NFIA: variants seen among roughly 807,000 people sequenced by gnomAD.
The protein encoded by NFIA is nuclear factor I A, also known as nuclear factor 1 A-type.
NFIA carries 8 observed loss-of-function variants against 62.8 expected under a neutral mutation model. The ratio of observed to expected loss-of-function variants is 0.13; its 90% confidence interval spans 0.07 to 0.23. The LOEUF is 0.23. Ranked by LOEUF, NFIA falls within the 10% of genes least tolerant of loss-of-function variation. The pLI, the probability that NFIA is intolerant of heterozygous loss-of-function variation, is 1.00. For synonymous variants in NFIA, 235 were observed against 238.1 expected (o/e 0.99, Z 0.12); for missense variants, 410 against 642.1 (o/e 0.64, Z 3.91).
intron 2 of NFIA, among the ~76,000 whole-genome samples, chr1:61,225,358 C>T (rs988828546): frequency 2.6e-5 from 4 of 151,802 alleles, no homozygotes; most frequent in Non-Finnish European, 4.4e-5. Context: ...TCAAGTGATT[C>T]TCCTGCCTCA....
chr1:61,393,781 G>T (rs904188866), intron 7 of NFIA, among the ~76,000 whole-genome samples: 1 of 152,150 alleles, frequency 6.6e-6, no homozygotes, highest in African/African-American at 2.4e-5. Flanking sequence ...GGAGATAACA[G>T]CAAAGCTGGC....
intron 3 of NFIA, among the ~76,000 whole-genome samples, chr1:61,299,510 A>G (rs1452855795): frequency 6.6e-6 from 1 of 152,210 alleles, no homozygotes; most frequent in Non-Finnish European, 1.5e-5. Flanking sequence ...TTAAAGGGAA[A>G]TCTTAATGGG....
At chr1:61,132,462 T>G (rs1647098237) in intron 2 of NFIA, among the ~76,000 whole-genome samples, 1 of 152,222 alleles carries the variant, frequency 6.6e-6, no homozygotes, top group Non-Finnish European at 1.5e-5. Flanking sequence ...GAAATGAGCA[T>G]TTTCTTAAAC....
At chr1:61,183,658 G>T (rs1321586491) in intron 2 of NFIA, among the ~76,000 whole-genome samples, 1 of 152,160 alleles carries the variant, frequency 6.6e-6, no homozygotes, top group African/African-American at 2.4e-5. Flanking sequence ...TTGGTTTTCT[G>T]TTGTGTCTGG....
At chr1:61,392,531 T>A (rs1450316355) in intron 7 of NFIA, among the ~76,000 whole-genome samples, 1 of 152,100 alleles carries the variant, frequency 6.6e-6, no homozygotes, top group Non-Finnish European at 1.5e-5. Context: ...GCCACCCTCA[T>A]AAAGAGCCAT....
chr1:61,094,874 A>G (rs1416987739), intron 2 of NFIA, among the ~76,000 whole-genome samples: 3 of 152,252 alleles, frequency 2.0e-5, no homozygotes, highest in East Asian at 3.8e-4. Context: ...CTAAATAAAC[A>G]TGGCTTATGA....
intron 2 of NFIA, among the ~76,000 whole-genome samples, chr1:61,144,782 A>G (rs908605458): frequency 2.0e-5 from 3 of 152,222 alleles, no homozygotes; most frequent in Admixed American, 1.3e-4. Flanking sequence ...TGCTCAGAGA[A>G]CAAGTCTTTG....
At chr1:61,107,469 T>TTCCTG (rs1259614786) in intron 2 of NFIA, among the ~76,000 whole-genome samples, 5 of 151,060 alleles carry the variant, frequency 3.3e-5, no homozygotes, top group African/African-American at 1.2e-4. Context: ...ATGAGCCACT[T>TTCCTG]TACTGTGGAA....
At chr1:61,151,221 G>GT (rs961987315) in intron 2 of NFIA, among the ~76,000 whole-genome samples, 2 of 151,844 alleles carry the variant, frequency 1.3e-5, no homozygotes, top group African/African-American at 4.8e-5. Flanking sequence ...TTGTTTGTTT[G>GT]TTTTTTTGAG....
intron 2 of NFIA, among the ~76,000 whole-genome samples, chr1:61,107,607 C>T (rs548518982): frequency 2.6e-5 from 4 of 151,518 alleles, no homozygotes; most frequent in South Asian, 4.2e-4. Context: ...AATATATTTT[C>T]GTAGTTTCTG....
intron 2 of NFIA, among the ~76,000 whole-genome samples, chr1:61,262,707 C>T (rs1656840829): frequency 1.3e-5 from 2 of 151,662 alleles, no homozygotes; most frequent in South Asian, 2.1e-4. Flanking sequence ...AAAATGAAAA[C>T]ACACTCAGTG....
At chr1:61,431,805 G>A (rs1306310261) in intron 10 of NFIA, among the ~76,000 whole-genome samples, 1 of 152,212 alleles carries the variant, frequency 6.6e-6, no homozygotes, top group Non-Finnish European at 1.5e-5. Flanking sequence ...ATCATGGAGA[G>A]CATTTTGAGC....
At chr1:61,081,943 C>G, upstream of NFIA, 2 of 1,550,100 alleles carry the variant, frequency 1.3e-6, no homozygotes, top group African/African-American at 1.4e-5. Context: ...AATTTGCATA[C>G]ATGCAAATGT....
chr1:61,303,623 G>C (rs771822370), intron 3 of NFIA, among the ~76,000 whole-genome samples: 1 of 152,226 alleles, frequency 6.6e-6, no homozygotes, highest in Non-Finnish European at 1.5e-5. Flanking sequence ...TCAGGTAAAA[G>C]CCTGGGGCAG....
chr1:61,185,930 C>A (rs548447222), intron 2 of NFIA, among the ~76,000 whole-genome samples: 3 of 152,144 alleles, frequency 2.0e-5, no homozygotes, highest in African/African-American at 7.2e-5. Flanking sequence ...ATTTATTTAT[C>A]TTTTGCACTA....
At chr1:61,404,363 T>G (rs1665717744) in intron 8 of NFIA, 81 bp downstream of exon 8, 1 of 1,367,250 alleles carries the variant, frequency 7.3e-7, no homozygotes, top group Admixed American at 2.6e-5. Flanking sequence ...TATGATCATG[T>G]GACGTTGTGC....
intron 4 of NFIA, among the ~76,000 whole-genome samples, chr1:61,344,242 T>G (rs6699552): frequency 6.6e-6 from 1 of 152,196 alleles, no homozygotes; most frequent in African/African-American, 2.4e-5. Flanking sequence ...GTGCCTTTGA[T>G]AGAAAGAAGA....
At chr1:61,427,007 G>A (rs1238414650) in intron 10 of NFIA, among the ~76,000 whole-genome samples, 1 of 152,158 alleles carries the variant, frequency 6.6e-6, no homozygotes, top group African/African-American at 2.4e-5. Context: ...AAAGAAAGAG[G>A]GAGAAAAGGG....
At chr1:61,210,957 A>G (rs1314475957) in intron 2 of NFIA, among the ~76,000 whole-genome samples, 1 of 152,240 alleles carries the variant, frequency 6.6e-6, no homozygotes, top group East Asian at 1.9e-4. Context: ...GGCCAATGTG[A>G]TGGCTGAACT....
Sources: allele counts gnomAD v4.1 joint callset (sites outside exome capture counted in the v4.1 genomes callset), GRCh38; gene constraint gnomAD v4.1.1; transcripts MANE v1.5; gene names NCBI Gene and HGNC (gene_info 2026-07-23, HGNC 2026-07-21).